The following MIB1 variants were observed in gnomAD, a reference collection of about 807,000 sequenced individuals.
MIB1 encodes the protein E3 ubiquitin-protein ligase MIB1.
In MIB1, 278 loss-of-function variants were observed where a neutral mutation model predicts 124.5. The ratio of observed to expected loss-of-function variants is 2.23; its 90% CI spans 2.02 to 2.47. MIB1 has a LOEUF of 2.47. Ranked by LOEUF, MIB1 falls within the 30% of genes most tolerant of loss-of-function variation. The pLI is 0.00. For missense variants in MIB1, 957 were observed against 1,254.4 expected (o/e 0.76, Z 3.58); for synonymous variants, 446 against 429.4 (o/e 1.04, Z -0.48).
intron 1 of MIB1, among the ~76,000 whole-genome samples, chr18:21,750,142 T>G (rs1344831360): frequency 6.6e-6 from 1 of 152,062 alleles, no homozygotes; most frequent in Non-Finnish European, 1.5e-5. Flanking sequence ...CTTTCTTTAT[T>G]TTTTTGAGGT....
At position 21,799,897 on chromosome 18, in the gene MIB1, A is replaced by G. The variant is rs1157114925; in HGVS notation, c.1294A>G (p.Asn432Asp). 2 of 1,612,384 alleles carry G rather than the reference A, an allele frequency of 1.2e-6. No homozygotes were observed. Among genetic ancestry groups the G allele is most frequent in the African/African-American group, 1.3e-5 (1 of 74,868 alleles). ...LFETQESGDLNEELVKAAANG... is the reference protein window; with the variant it reads ...LFETQESGDLDEELVKAAANG... Reference sequence around the variant, plus strand: ...TGAAACCCAAGAATCTGGTGACCTCAATGAAGAATTAGTTAAGGCTGCTGC... The same window carrying G: ...TGAAACCCAAGAATCTGGTGACCTCGATGAAGAATTAGTTAAGGCTGCTGC... Residue 432 changes from asparagine to aspartate, a missense_variant, in exon 9 of 21, where the codon AAT becomes GAT. Transcript: ENST00000261537.
intron 7 of MIB1, among the ~76,000 whole-genome samples, chr18:21,795,265 T>TTA (rs1263717683): frequency 2.4e-4 from 34 of 143,062 alleles, no homozygotes; most frequent in African/African-American, 5.6e-4. Context: ...AGTCGAGATT[T>TTA]TATATATATA....
At chr18:21,719,465 G>C (rs761059838) in intron 1 of MIB1, among the ~76,000 whole-genome samples, 1 of 151,906 alleles carries the variant, frequency 6.6e-6, no homozygotes, top group Non-Finnish European at 1.5e-5. Context: ...ATTTTTTTTT[G>C]ATATGAAGTC....
intron 3 of MIB1, among the ~76,000 whole-genome samples, chr18:21,771,118 A>C (rs1046271570): frequency 6.6e-6 from 1 of 152,344 alleles, no homozygotes; most frequent in Non-Finnish European, 1.5e-5. Context: ...TGTCAGATGT[A>C]TCCTTTACAG....
chr18:21,840,829 T>C (rs1303162567), intron 13 of MIB1, among the ~76,000 whole-genome samples: 1 of 151,470 alleles, frequency 6.6e-6, no homozygotes, highest in East Asian at 1.9e-4. Context: ...AGACCTTGTC[T>C]TAAAAATAAA....
Position 21,864,821 on chromosome 18 carries a change from C to A in MIB1, c.*155C>A, listed in dbSNP as rs1270838034. 1.0e-5 allele frequency: 5 copies of A among 477,094 alleles called. No homozygotes were observed. The Admixed American group carries it at 1.9e-4, about 18-fold the overall frequency. 29.6% of individuals were successfully genotyped at this position (477,094 alleles called of 1,614,324 possible). A position where few individuals can be genotyped will look rare whatever the true frequency, so the allele number is the denominator to read the frequency against. Reference sequence around the variant, plus strand: ...CTGTAAATGTACCAGAACAAAAAACCCTACAAAATGGTGTTGGAAATTGTG... The same window carrying A: ...CTGTAAATGTACCAGAACAAAAAACACTACAAAATGGTGTTGGAAATTGTG... On this transcript the variant is annotated 3_prime_UTR_variant, in exon 21 of 21. Coordinates refer to ENST00000261537, the MANE Select transcript of MIB1 (RefSeq NM_020774.4).
chr18:21,737,442 C>G (rs769265424), upstream of MIB1, among the ~76,000 whole-genome samples: 5 of 152,124 alleles, frequency 3.3e-5, no homozygotes, highest in Non-Finnish European at 7.3e-5. Flanking sequence ...TTTTAAAGAC[C>G]ATCGACGCTA....
chr18:21,731,606 C>T (rs929944113), intron 1 of MIB1, among the ~76,000 whole-genome samples: 3 of 151,942 alleles, frequency 2.0e-5, no homozygotes, highest in African/African-American at 7.3e-5. Flanking sequence ...GTGGCGGGCA[C>T]CTGTAGTCCC....
At chr18:21,856,232 G>A (rs1367381598) in intron 18 of MIB1, among the ~76,000 whole-genome samples, 3 of 7,660 alleles carry the variant, frequency 3.9e-4, no homozygotes, top group Admixed American at 1.8e-3. Context: ...GCGAGACTCC[G>A]TCTCAAAAAA....
At chr18:21,863,856 A>T (rs1319248950) in intron 20 of MIB1, among the ~76,000 whole-genome samples, 1 of 152,028 alleles carries the variant, frequency 6.6e-6, no homozygotes, top group East Asian at 1.9e-4. Flanking sequence ...ATACAAAAAA[A>T]TTAGCTGGGT....
At chr18:21,783,016 A>C (rs1317390248) in intron 6 of MIB1, among the ~76,000 whole-genome samples, 1 of 152,168 alleles carries the variant, frequency 6.6e-6, no homozygotes, top group Non-Finnish European at 1.5e-5. Flanking sequence ...TTATTATTAT[A>C]CAGTGACTTT....
chr18:21,785,221 G>T (rs1349682138), intron 6 of MIB1, among the ~76,000 whole-genome samples: 2 of 151,820 alleles, frequency 1.3e-5, no homozygotes, highest in East Asian at 3.9e-4. Context: ...TCCTTACCCT[G>T]CCCCCTTGCC....
rs1211020670 is a variant in MIB1, at chr18:21,741,692, G to C, written c.109G>C (p.Gly37Arg). ...GCAGGACGGCGGCGAGGGCCATGTG[G>C]GCACCGTCCGGAGCTTCGAGAGCCC... Reference protein sequence around the residue: ...GKQDGGEGHVGTVRSFESPEE... With the variant: ...GKQDGGEGHVRTVRSFESPEE... The change falls in exon 1 of 21, where the codon GGC becomes CGC. Residue 37 changes from glycine to arginine, a missense_variant. Gly to Arg is a moderately radical substitution (Grantham distance 125). Coordinates refer to ENST00000261537, the MANE Select transcript of MIB1 (RefSeq NM_020774.4). This position sits in a 1 kb window ranked among gnomAD's most constrained non-coding sequence, Gnocchi z 5.4. 1 of 1,611,502 alleles carries C rather than the reference G, an allele frequency of 6.2e-7. No homozygotes were observed. Among genetic ancestry groups the C allele is most frequent in the Admixed American group, 1.7e-5 (1 of 59,842 alleles).
intron 20 of MIB1, among the ~76,000 whole-genome samples, chr18:21,860,760 G>T (rs1339107097): frequency 2.6e-5 from 4 of 152,174 alleles, no homozygotes; most frequent in African/African-American, 4.8e-5. Context: ...GTCAGTTGCA[G>T]TGAGTGATGT....
chr18:21,787,251 T>C (rs1467813636), intron 6 of MIB1, among the ~76,000 whole-genome samples: 2 of 152,138 alleles, frequency 1.3e-5, no homozygotes, highest in Admixed American at 6.5e-5. Flanking sequence ...ATCCCAAAAG[T>C]GGTACCTTGG....
chr18:21,793,380 A>G (rs1002641517), intron 7 of MIB1, among the ~76,000 whole-genome samples: 1 of 152,230 alleles, frequency 6.6e-6, no homozygotes, highest in African/African-American at 2.4e-5. Context: ...AGTAGGGACA[A>G]AGGAAGGAGA....
intron 1 of MIB1, among the ~76,000 whole-genome samples, chr18:21,705,613 G>A (rs2040618059): frequency 6.6e-6 from 1 of 152,158 alleles, no homozygotes; most frequent in Non-Finnish European, 1.5e-5. Context: ...AGGAAGAATG[G>A]CAAGACTTAA....
intron 1 of MIB1, among the ~76,000 whole-genome samples, chr18:21,729,423 T>C (rs893727907): frequency 2.6e-5 from 4 of 152,314 alleles, no homozygotes; most frequent in South Asian, 2.1e-4. Flanking sequence ...TCCTCATAGA[T>C]GGCACCTTTT....
chr18:21,792,483 G>A (rs1042077302), intron 7 of MIB1, among the ~76,000 whole-genome samples: 27 of 151,866 alleles, frequency 1.8e-4, no homozygotes, highest in African/African-American at 6.1e-4. Flanking sequence ...CTGTTGTCCT[G>A]ACCCTCCATT....
Sources: allele counts gnomAD v4.1 joint callset (sites outside exome capture counted in the v4.1 genomes callset), GRCh38; gene constraint gnomAD v4.1.1; non-coding constraint Gnocchi (gnomAD v3.1); transcripts MANE v1.5; gene names NCBI Gene and HGNC (gene_info 2026-07-23, HGNC 2026-07-21).